Variants in RNGTT observed in about 807,000 individuals in gnomAD.
The protein encoded by RNGTT is mRNA-capping enzyme.
Under a neutral mutation model 79.3 loss-of-function variants are expected in RNGTT, and 33 were observed. That is an observed-to-expected ratio of 0.42 (90% CI 0.32 to 0.56). RNGTT has a LOEUF of 0.56. RNGTT is among the 20% of genes least tolerant of loss of function. The probability of loss-of-function intolerance (pLI) is 0.17; values close to 1 mark genes in which losing one functional copy is unlikely to be tolerated. For missense variants in RNGTT, 497 were observed against 739.1 expected (o/e 0.67, Z 3.80); for synonymous variants, 222 against 235.9 (o/e 0.94, Z 0.54).
At chr6:88,637,946 T>TA (rs761492634) in intron 14 of RNGTT, among the ~76,000 whole-genome samples, 6 of 152,142 alleles carry the variant, frequency 3.9e-5, no homozygotes, top group Non-Finnish European at 8.8e-5. Context: ...GCATACCCAC[T>TA]ACTACTTAGT....
chr6:88,827,497 T>A (rs1439374540), intron 11 of RNGTT, among the ~76,000 whole-genome samples: 1 of 152,104 alleles, frequency 6.6e-6, no homozygotes, highest in African/African-American at 2.4e-5. Context: ...CTGCAGGAGT[T>A]TTATTTTCAT....
intron 8 of RNGTT, among the ~76,000 whole-genome samples, chr6:88,877,634 C>T (rs1035446452): frequency 6.6e-6 from 1 of 152,192 alleles, no homozygotes; most frequent in African/African-American, 2.4e-5. Flanking sequence ...CAAAGCATTA[C>T]TGCTTTTATC....
Position 88,832,420 on chromosome 6 carries a change from T to C in RNGTT, c.1269+11937A>G, listed in dbSNP as rs1376922132. ...AAACTGAAACTGGACCCATTCCTTA[T>C]ACAAAAATTAACTCAAGATGAATTA... On this transcript the variant is annotated intron_variant, in intron 11 of 15. Transcript: ENST00000369485. 4.2e-4 allele frequency among the ~76,000 whole-genome samples: 64 copies of C among 151,478 alleles called. 1 individual carries two copies. The highest frequency in any genetic ancestry group is 4.1e-3 in the Admixed American group (63 of 15,186).
At chr6:88,867,319 C>T (rs545976906) in intron 8 of RNGTT, among the ~76,000 whole-genome samples, 1 of 152,014 alleles carries the variant, frequency 6.6e-6, no homozygotes, top group Admixed American at 6.6e-5. Context: ...CCCATCTCTA[C>T]TAAAAATACA....
intron 11 of RNGTT, among the ~76,000 whole-genome samples, chr6:88,838,277 CAGG>C (rs1346203231): frequency 6.6e-6 from 1 of 151,988 alleles, no homozygotes; most frequent in East Asian, 1.9e-4. Context: ...TGCAGTAAGG[CAGG>C]AGAATAAAAT....
intron 13 of RNGTT, among the ~76,000 whole-genome samples, chr6:88,703,916 T>C (rs1776028785): frequency 1.3e-5 from 2 of 152,064 alleles, no homozygotes; most frequent in South Asian, 4.2e-4. Context: ...TAATATTGTG[T>C]TGTACATAGG....
At chr6:88,827,675 A>G (rs995211181) in intron 11 of RNGTT, among the ~76,000 whole-genome samples, 2 of 152,184 alleles carry the variant, frequency 1.3e-5, no homozygotes, top group African/African-American at 4.8e-5. Context: ...AGCAGTCTGA[A>G]GTCAACCTGG....
chr6:88,728,864 T>A (rs913645107), intron 13 of RNGTT, among the ~76,000 whole-genome samples: 1 of 152,198 alleles, frequency 6.6e-6, no homozygotes, highest in Non-Finnish European at 1.5e-5. Context: ...ATTGAGACAA[T>A]ACTAAGATGC....
intron 11 of RNGTT, among the ~76,000 whole-genome samples, chr6:88,821,524 G>A (rs1236636270): frequency 6.6e-6 from 1 of 151,972 alleles, no homozygotes; most frequent in Non-Finnish European, 1.5e-5. Context: ...AGAAGCACAT[G>A]TTAAGCAAAA....
intron 8 of RNGTT, among the ~76,000 whole-genome samples, chr6:88,878,876 G>A (rs1340272058): frequency 6.6e-6 from 1 of 152,030 alleles, no homozygotes; most frequent in Non-Finnish European, 1.5e-5. Context: ...TTTGTTTGTA[G>A]TTCACTGAAA....
At chr6:88,651,446 T>C (rs577706692) in intron 14 of RNGTT, among the ~76,000 whole-genome samples, 1 of 152,300 alleles carries the variant, frequency 6.6e-6, no homozygotes, top group South Asian at 2.1e-4. Context: ...ATTAGAATAG[T>C]GCCTGCTGGG....
chr6:88,640,599 T>G (rs1773277114), intron 14 of RNGTT, among the ~76,000 whole-genome samples: 1 of 146,374 alleles, frequency 6.8e-6, no homozygotes, highest in East Asian at 2.0e-4. Flanking sequence ...AATAACTGGA[T>G]CTGAGGTGAT....
intron 14 of RNGTT, among the ~76,000 whole-genome samples, chr6:88,664,301 C>A (rs1011795017): frequency 1.3e-5 from 2 of 152,166 alleles, no homozygotes; most frequent in Admixed American, 6.5e-5. Flanking sequence ...TGAGGCCTAT[C>A]GCATGTACAC....
In RNGTT at chr6:88,812,424, TTC is replaced by T. The variant is rs1780170180; in HGVS notation, c.1270-10794_1270-10793del. Among the ~76,000 whole-genome samples the T allele has an allele frequency of 3.3e-5, 5 of 152,330 alleles. No individual in the cohort carries two copies. The South Asian group carries it at 1.0e-3, about 32-fold the overall frequency. On this transcript the variant is annotated intron_variant, in intron 11 of 15. Transcript: ENST00000369485. Reference sequence around the variant, plus strand: ...CCACATCCTCATGGAACAATAAAAGTTCTTTTCATCAGATTTCTAATTATTCT... The same window carrying T: ...CCACATCCTCATGGAACAATAAAAGTTTTTCATCAGATTTCTAATTATTCT...
chr6:88,923,819 T>TA (rs138530033), intron 4 of RNGTT, among the ~76,000 whole-genome samples: 3,155 of 151,602 alleles, frequency 0.021, 105 homozygotes, highest in African/African-American at 0.069. Context: ...TAAGTTGATT[T>TA]AAAAAAAAAC....
At chr6:88,949,924 G>T (rs1408900401) in intron 1 of RNGTT, among the ~76,000 whole-genome samples, 1 of 152,184 alleles carries the variant, frequency 6.6e-6, no homozygotes. Flanking sequence ...AGAAGAAAAT[G>T]GTATCTAGGA....
intron 13 of RNGTT, among the ~76,000 whole-genome samples, chr6:88,749,707 G>C (rs1777780546): frequency 1.3e-5 from 2 of 151,956 alleles, no homozygotes; most frequent in African/African-American, 4.8e-5. Flanking sequence ...AATACTGAAA[G>C]CTAAAAAATA....
intron 13 of RNGTT, among the ~76,000 whole-genome samples, chr6:88,715,650 G>C (rs966154991): frequency 6.6e-6 from 1 of 152,098 alleles, no homozygotes; most frequent in African/African-American, 2.4e-5. Flanking sequence ...AGAGCCCTCA[G>C]AAATAATGCC....
At chr6:88,773,358 A>C (rs1778761018) in intron 12 of RNGTT, among the ~76,000 whole-genome samples, 1 of 148,222 alleles carries the variant, frequency 6.7e-6, no homozygotes, top group Non-Finnish European at 1.5e-5. Flanking sequence ...ATCGGGAGAT[A>C]TACCTAATGC....
Sources: gnomAD v4.1 joint callset for allele counts (sites outside exome capture counted in the v4.1 genomes callset) on GRCh38, gnomAD v4.1.1 for gene constraint, MANE v1.5 for transcripts, NCBI Gene and HGNC (gene_info 2026-07-23, HGNC 2026-07-21) for gene names.